The following VAV2 variants were observed in gnomAD, a reference collection of about 807,000 sequenced individuals.
VAV2 encodes the protein vav guanine nucleotide exchange factor 2.
Under a neutral mutation model 132.5 loss-of-function variants are expected in VAV2, and 67 were observed. That is an observed-to-expected ratio of 0.51 (90% CI 0.42 to 0.62). The LOEUF (loss-of-function observed/expected upper bound fraction) is 0.62, where lower values mean the gene tolerates loss of function less well. Ranked by LOEUF, VAV2 falls within the 20% of genes least tolerant of loss-of-function variation. The pLI, the probability that VAV2 is intolerant of heterozygous loss-of-function variation, is 0.00. For synonymous variants in VAV2, 492 were observed against 443.5 expected (o/e 1.11, Z -1.37); for missense variants, 938 against 1,153.6 (o/e 0.81, Z 2.71).
At position 133,967,336 on chromosome 9, in the gene VAV2, G is replaced by C. The variant is rs77422432; in HGVS notation, c.204+24739C>G. Among the ~76,000 whole-genome samples, 656 of 152,262 alleles carry C rather than the reference G, an allele frequency of 4.3e-3. 3 individuals are homozygous for C. The highest frequency in any genetic ancestry group is 0.015 in the African/African-American group (610 of 41,550). The stretch of plus-strand genomic sequence containing the variant: ...ACGTAGACTAATACAGCCACTATAG[G>C]AAACAGTACAGAGGGTCCTCAAAAA... On this transcript the variant is annotated intron_variant, in intron 1 of 29. Transcript: ENST00000371850.
intron 17 of VAV2, among the ~76,000 whole-genome samples, chr9:133,784,668 C>T (rs981482826): frequency 3.9e-5 from 6 of 152,184 alleles, no homozygotes; most frequent in African/African-American, 7.2e-5. Flanking sequence ...CAGGTGGGGA[C>T]GGTGGTCTAA....
chr9:133,849,431 A>G (rs1488820834), intron 3 of VAV2, among the ~76,000 whole-genome samples: 2 of 152,168 alleles, frequency 1.3e-5, no homozygotes, highest in African/African-American at 4.8e-5. Context: ...CAGGGAGTGC[A>G]GGCCTCCACC....
rs79698062 is a variant in VAV2 at position 133,962,533 on chromosome 9, C to T, written c.205-23314G>A. ...CCAGCCCAGGGCACCTGGGCTGCTG[C>T]GGGGGTCCTGCAGATCAGGGTACCC... On this transcript the variant is annotated intron_variant, in intron 1 of 29. Transcript: ENST00000371850. 2.3e-3 allele frequency among the ~76,000 whole-genome samples: 355 copies of T among 152,194 alleles called. 4 individuals carry two copies. In the East Asian group the frequency reaches 0.055, roughly 24 times the overall value.
intron 1 of VAV2, among the ~76,000 whole-genome samples, chr9:133,980,848 C>T (rs867880754): frequency 6.6e-6 from 1 of 152,170 alleles, no homozygotes; most frequent in African/African-American, 2.4e-5. Flanking sequence ...ACTGTGGCAG[C>T]GCCTCCAGTC....
rs142366740 is a variant in VAV2, at chr9:133,890,476, G to A, written c.322-29044C>T. On this transcript the variant is annotated intron_variant, in intron 2 of 29. Coordinates refer to ENST00000371850, the MANE Select transcript of VAV2 (RefSeq NM_001134398.2). ...GAGCAGAAATGGGAAAAGTGCCGAGGGTCAAGGGGCCACGGCTCTCCCTAG... is the reference window on the plus strand; with the variant it reads ...GAGCAGAAATGGGAAAAGTGCCGAGAGTCAAGGGGCCACGGCTCTCCCTAG... Among the ~76,000 whole-genome samples, 87 of 152,236 alleles carry A rather than the reference G, an allele frequency of 5.7e-4. No individual in the cohort carries two copies. In the Middle Eastern group the frequency reaches 0.01, roughly 18 times the overall value.
intron 4 of VAV2, among the ~76,000 whole-genome samples, chr9:133,820,392 C>T (rs6479625): frequency 0.19 from 28,771 of 149,314 alleles, 3,435 homozygotes; most frequent in African/African-American, 0.32. Flanking sequence ...GGCACTATCT[C>T]GGCTCACTGC....
At chr9:133,811,294 G>C (rs1835349974) in intron 5 of VAV2, among the ~76,000 whole-genome samples, 1 of 152,260 alleles carries the variant, frequency 6.6e-6, no homozygotes, top group Non-Finnish European at 1.5e-5. Context: ...AGTGGGCAAG[G>C]CCTCTTTAGG....
At chr9:133,867,850 C>G (rs1487400639) in intron 2 of VAV2, among the ~76,000 whole-genome samples, 1 of 152,252 alleles carries the variant, frequency 6.6e-6, no homozygotes, top group African/African-American at 2.4e-5. Context: ...GGCGGTCCAC[C>G]TGGCGCCGGC....
Position 133,808,775 on chromosome 9 carries a change from A to G in VAV2, c.666+265T>C, listed in dbSNP as rs940153755. Among the ~76,000 whole-genome samples, 38 of 152,222 alleles carry G rather than the reference A, an allele frequency of 2.5e-4. 1 individual carries two copies. Among genetic ancestry groups the G allele is most frequent in the African/African-American group, 7.7e-4 (32 of 41,460 alleles). On this transcript the variant is annotated intron_variant, in intron 7 of 29. Coordinates refer to ENST00000371850, the MANE Select transcript of VAV2 (RefSeq NM_001134398.2). ...CCTTAGAGCAATGTTCAGGAGCTGA[A>G]GCCGTAATCCCACCCCGATTAAGCT...
intron 3 of VAV2, 62 bp downstream of exon 3, chr9:133,861,312 G>C: frequency 1.3e-6 from 2 of 1,534,982 alleles, no homozygotes; most frequent in Non-Finnish European, 1.8e-6. Context: ...CTGTGACAAG[G>C]CACGCTGGTG....
At chr9:133,968,392 A>C (rs1428798904) in intron 1 of VAV2, among the ~76,000 whole-genome samples, 1 of 152,226 alleles carries the variant, frequency 6.6e-6, no homozygotes, top group African/African-American at 2.4e-5. Context: ...AATTAAATAA[A>C]TAAATAATAC....
chr9:133,886,081 G>T (rs938708612), intron 2 of VAV2, among the ~76,000 whole-genome samples: 5 of 152,212 alleles, frequency 3.3e-5, no homozygotes, highest in African/African-American at 1.2e-4. Flanking sequence ...GCCACCCTGG[G>T]AGGCTGAGAT....
At chr9:133,873,936 G>A (rs898031405) in intron 2 of VAV2, among the ~76,000 whole-genome samples, 10 of 152,224 alleles carry the variant, frequency 6.6e-5, no homozygotes, top group South Asian at 2.1e-4. Flanking sequence ...GCGTCCTCCA[G>A]GACAGCTAAC....
At chr9:133,827,250 C>T (rs1213075038) in intron 4 of VAV2, among the ~76,000 whole-genome samples, 584 of 13,124 alleles carry the variant, frequency 0.044, 36 homozygotes, top group African/African-American at 0.069. Context: ...GACCACTGAG[C>T]GGGGGCATCA....
At chr9:133,838,983 A>AATGGATGGATGGGTGGGTAG (rs1294828226) in intron 3 of VAV2, among the ~76,000 whole-genome samples, 1 of 118,562 alleles carries the variant, frequency 8.4e-6, no homozygotes, top group Non-Finnish European at 1.8e-5. Context: ...TGGATGGATG[A>AATGGATGGATGGGTGGGTAG]ATGGATGGAT....
chr9:133,775,822 G>A (rs893245294), intron 24 of VAV2, among the ~76,000 whole-genome samples: 3 of 152,240 alleles, frequency 2.0e-5, no homozygotes, highest in Non-Finnish European at 4.4e-5. Flanking sequence ...ACAGGAGAAG[G>A]ACTCCCCCAG....
chr9:133,769,556 G>A lies in VAV2; in HGVS notation c.2348-53C>T. 3.2e-6 allele frequency: 5 copies of A among 1,550,246 alleles called. No individual in the cohort carries two copies. The highest frequency in any genetic ancestry group is 4.4e-6 in the Non-Finnish European group (5 of 1,139,176). Reference sequence around the variant, plus strand: ...GCGGGCAGCAGGGCATCCACGCACAGTCACGGTGGGCACAGCTACAGGCCG... The same window carrying A: ...GCGGGCAGCAGGGCATCCACGCACAATCACGGTGGGCACAGCTACAGGCCG... On this transcript the variant is annotated intron_variant, in intron 27 of 29. Transcript: ENST00000371850. The surrounding 1 kb of genome is among the most constrained non-coding windows in gnomAD (Gnocchi z 8.1).
At chr9:133,784,761 T>C (rs1348991214) in intron 17 of VAV2, among the ~76,000 whole-genome samples, 2 of 152,128 alleles carry the variant, frequency 1.3e-5, no homozygotes, top group Admixed American at 6.5e-5. Context: ...GTTTGCCTCA[T>C]TGGATATAAG....
In VAV2 at chr9:133,884,295, C is replaced by CCCA. The variant is rs1564434196; in HGVS notation, c.322-22866_322-22864dup. On this transcript the variant is annotated intron_variant, in intron 2 of 29. Coordinates refer to ENST00000371850, the MANE Select transcript of VAV2 (RefSeq NM_001134398.2). This position sits in a 1 kb window ranked among gnomAD's most constrained non-coding sequence, Gnocchi z 5.3. Reference sequence around the variant, plus strand: ...ACACTGAATGAACATGTGATCATTACCCACCACCACCACGCGTCCTGCCTC... The same window carrying CCCA: ...ACACTGAATGAACATGTGATCATTACCCACCACCACCACCACGCGTCCTGCCTC... Among the ~76,000 whole-genome samples, 1 of 152,196 alleles carries CCCA rather than the reference C, an allele frequency of 6.6e-6. No individual in the cohort carries two copies. Among genetic ancestry groups the CCCA allele is most frequent in the Non-Finnish European group, 1.5e-5 (1 of 68,040 alleles).
Sources: allele counts gnomAD v4.1 joint callset (sites outside exome capture counted in the v4.1 genomes callset), GRCh38; gene constraint gnomAD v4.1.1; non-coding constraint Gnocchi (gnomAD v3.1); transcripts MANE v1.5; gene names NCBI Gene and HGNC (gene_info 2026-07-23, HGNC 2026-07-21).